The following NCAM2 variants were observed in gnomAD, a reference collection of about 807,000 sequenced individuals.
NCAM2 encodes N-CAM-2.
NCAM2 carries 30 observed loss-of-function variants against 98.1 expected under a neutral mutation model. The observed-to-expected ratio is 0.31, with a 90% CI of 0.23 to 0.41. The LOEUF is 0.41. Among genes scored for constraint, NCAM2 ranks in the 10% least tolerant of loss-of-function variants. The pLI, the probability that NCAM2 is intolerant of heterozygous loss-of-function variation, is 1.00. For missense variants in NCAM2, 867 were observed against 1,005.8 expected (o/e 0.86, Z 1.87); for synonymous variants, 368 against 342.4 (o/e 1.07, Z -0.83).
intron 5 of NCAM2, among the ~76,000 whole-genome samples, chr21:21,309,557 C>CT (rs949317692): frequency 2.8e-4 from 43 of 152,272 alleles, no homozygotes; most frequent in African/African-American, 9.1e-4. Context: ...TTGCACAGTT[C>CT]TTTCCCTGGC....
chr21:21,508,906 A>G lies in NCAM2; in HGVS notation c.2133A>G (p.Ala711=). 7 of 1,587,088 alleles carry G rather than the reference A, an allele frequency of 4.4e-6. No homozygotes were observed. Among genetic ancestry groups the G allele is most frequent in the Non-Finnish European group, 6.0e-6 (7 of 1,170,622 alleles). ...LGAVIGLGVA[A]LLLILVVTDV... ...CAGTAATTGGCCTGGGAGTTGCTGC[A>G]CTGCTGCTAATTCTTGTGGTAACAG... The change falls in exon 16 of 18, where the codon GCA becomes GCG. Residue 711 remains alanine (A), a synonymous_variant. Transcript: ENST00000400546.
At chr21:21,353,088 T>G (rs1479693850) in intron 8 of NCAM2, among the ~76,000 whole-genome samples, 1 of 152,070 alleles carries the variant, frequency 6.6e-6, no homozygotes, top group African/African-American at 2.4e-5. Flanking sequence ...AAAGTGTTAT[T>G]TTCTATTATT....
intron 1 of NCAM2, among the ~76,000 whole-genome samples, chr21:21,090,606 C>T (rs1029918815): frequency 1.3e-5 from 2 of 152,162 alleles, no homozygotes; most frequent in Non-Finnish European, 2.9e-5. Context: ...ATCTATACAG[C>T]AGCTAGAGTG....
chr21:21,266,147 C>G (rs944311948), intron 1 of NCAM2, among the ~76,000 whole-genome samples: 2 of 151,970 alleles, frequency 1.3e-5, no homozygotes, highest in Non-Finnish European at 2.9e-5. Context: ...TTTAAAAACC[C>G]TTTCAAAAAT....
In NCAM2 at chr21:21,432,297, C is replaced by A. The variant is rs1177193095; in HGVS notation, c.1654+16C>A. 1 of 1,609,638 alleles carries A rather than the reference C, an allele frequency of 6.2e-7. No individual in the cohort carries two copies. Among genetic ancestry groups the A allele is most frequent in the African/African-American group, 1.3e-5 (1 of 74,958 alleles). On this transcript the variant is annotated intron_variant, in intron 12 of 17. Coordinates refer to ENST00000400546, the MANE Select transcript of NCAM2 (RefSeq NM_004540.5). ...GGAGTTCAAAGTGAGTCAACAATTT[C>A]AAAATGTGTTGGTTAATTCAAGCTG...
At chr21:21,455,117 A>G (rs1185016135) in intron 12 of NCAM2, among the ~76,000 whole-genome samples, 1 of 151,178 alleles carries the variant, frequency 6.6e-6, no homozygotes, top group Non-Finnish European at 1.5e-5. Context: ...GTCTACCATT[A>G]TAAATTTGTA....
intron 8 of NCAM2, among the ~76,000 whole-genome samples, chr21:21,356,701 A>G (rs113818909): frequency 2.6e-5 from 4 of 152,300 alleles, no homozygotes; most frequent in African/African-American, 9.6e-5. Flanking sequence ...CGCTAAAAAT[A>G]TAAGTTTCGC....
chr21:21,217,962 T>C (rs1206566205), intron 1 of NCAM2, among the ~76,000 whole-genome samples: 1 of 152,166 alleles, frequency 6.6e-6, no homozygotes, highest in Non-Finnish European at 1.5e-5. Context: ...AACCAAATTC[T>C]GTAAACAGCC....
At chr21:21,230,436 A>C (rs1363989752) in intron 1 of NCAM2, among the ~76,000 whole-genome samples, 1 of 151,248 alleles carries the variant, frequency 6.6e-6, no homozygotes, top group African/African-American at 2.4e-5. Flanking sequence ...CCATTATGTG[A>C]TTTTACTGGA....
Position 20,998,473 on chromosome 21 carries a change from T to A in NCAM2, c.-91T>A. Reference sequence around the variant, plus strand: ...GCACCGCGGGAGCGGCGGCGGCGGCTCTAGCAGAGGCGGCCGGGGCAGCGA... The same window carrying A: ...GCACCGCGGGAGCGGCGGCGGCGGCACTAGCAGAGGCGGCCGGGGCAGCGA... On this transcript the variant is annotated 5_prime_UTR_variant, in exon 1 of 18. Transcript: ENST00000400546. The A allele has an allele frequency of 1.5e-6, 2 of 1,343,442 alleles. No homozygotes were observed. Among genetic ancestry groups the A allele is most frequent in the Non-Finnish European group, 2.1e-6 (2 of 971,874 alleles). 83.2% of individuals were successfully genotyped at this position (1,343,442 alleles called of 1,614,324 possible).
At chr21:21,270,616 C>A (rs1435495227) in intron 1 of NCAM2, among the ~76,000 whole-genome samples, 1 of 152,138 alleles carries the variant, frequency 6.6e-6, no homozygotes, top group African/African-American at 2.4e-5. Flanking sequence ...TGTATTGCAG[C>A]TATTTAATTC....
chr21:21,302,350 C>T (rs2073743015), intron 5 of NCAM2, among the ~76,000 whole-genome samples: 1 of 152,008 alleles, frequency 6.6e-6, no homozygotes, highest in South Asian at 2.1e-4. Context: ...CCAGTTATCC[C>T]AGCACTATTT....
chr21:21,292,976 A>G (rs1275621402), intron 5 of NCAM2, among the ~76,000 whole-genome samples: 2 of 151,890 alleles, frequency 1.3e-5, no homozygotes, highest in Non-Finnish European at 2.9e-5. Flanking sequence ...AGAGTGCGTG[A>G]GAAAGAGTGA....
intron 1 of NCAM2, among the ~76,000 whole-genome samples, chr21:21,264,917 T>TATTATATATGTGTATGTGTA (rs2072086756): frequency 8.0e-6 from 1 of 125,296 alleles, no homozygotes; most frequent in Non-Finnish European, 1.7e-5. Context: ...TACACATATA[T>TATTATATATGTGTATGTGTA]TAGATATACA....
chr21:21,507,646 T>C (rs1454663697), intron 15 of NCAM2, among the ~76,000 whole-genome samples: 1 of 151,672 alleles, frequency 6.6e-6, no homozygotes, highest in Non-Finnish European at 1.5e-5. Flanking sequence ...ACAAAAAAAT[T>C]ACCCAGGTGC....
At chr21:21,375,893 T>C (rs1184783972) in intron 9 of NCAM2, among the ~76,000 whole-genome samples, 1 of 151,800 alleles carries the variant, frequency 6.6e-6, no homozygotes, top group East Asian at 1.9e-4. Flanking sequence ...ATTTCATTAA[T>C]ATTTTAAAAC....
At chr21:21,488,375 C>CA (rs1371225207) in intron 15 of NCAM2, among the ~76,000 whole-genome samples, 1 of 151,740 alleles carries the variant, frequency 6.6e-6, no homozygotes, top group East Asian at 1.9e-4. Flanking sequence ...TAGTTTCAAC[C>CA]ACGTACAATT....
chr21:21,486,311 A>T (rs1321529246), intron 15 of NCAM2, among the ~76,000 whole-genome samples: 2 of 150,622 alleles, frequency 1.3e-5, no homozygotes, highest in Non-Finnish European at 1.5e-5. Flanking sequence ...CTCAAAAAAA[A>T]AAAAAAAAAA....
chr21:21,539,150 A>G lies in NCAM2; in HGVS notation c.*1193A>G, dbSNP rs1990130151. 6.6e-6 allele frequency: 1 copy of G among 152,232 alleles called. No individual in the cohort carries two copies. The highest frequency in any genetic ancestry group is 6.5e-5 in the Admixed American group (1 of 15,278). The allele number at this position is 152,232 out of a possible 1,614,324, so 9.4% of individuals were successfully genotyped here. On this transcript the variant is annotated 3_prime_UTR_variant, in exon 18 of 18. Coordinates refer to ENST00000400546, the MANE Select transcript of NCAM2 (RefSeq NM_004540.5). ...TGAAGAAATTCCTTAAGTATTCAAC[A>G]CAAACTTTCTAATATCTTTTGTTAG...
Sources: gnomAD v4.1 joint callset for allele counts (sites outside exome capture counted in the v4.1 genomes callset) on GRCh38, gnomAD v4.1.1 for gene constraint, MANE v1.5 for transcripts, NCBI Gene and HGNC (gene_info 2026-07-23, HGNC 2026-07-21) for gene names.